Variants in LPP observed in about 807,000 individuals in gnomAD.
LPP encodes lipoma-preferred partner.
In LPP, 38 loss-of-function variants were observed where a neutral mutation model predicts 60.4. That is an observed-to-expected ratio of 0.63 (90% confidence interval 0.49 to 0.83). LPP has a LOEUF of 0.83. LPP is among the 40% of genes least tolerant of loss of function. The pLI, the probability that LPP is intolerant of heterozygous loss-of-function variation, is 0.00. For missense variants in LPP, 902 were observed against 783.6 expected (o/e 1.15, Z -1.80); for synonymous variants, 328 against 290.8 (o/e 1.13, Z -1.30).
chr3:188,387,476 G>A (rs571825048), intron 3 of LPP, among the ~76,000 whole-genome samples: 3 of 151,782 alleles, frequency 2.0e-5, no homozygotes, highest in Non-Finnish European at 4.4e-5. Flanking sequence ...AAAATTTTGC[G>A]ATGATTAACA....
chr3:188,820,953 A>G (rs1441306176), intron 9 of LPP, among the ~76,000 whole-genome samples: 1 of 152,122 alleles, frequency 6.6e-6, no homozygotes, highest in African/African-American at 2.4e-5. Context: ...CATCGTTTAC[A>G]TATACGAGAT....
intron 10 of LPP, among the ~76,000 whole-genome samples, chr3:188,871,984 G>A (rs2152042880): frequency 6.6e-6 from 1 of 152,272 alleles, no homozygotes; most frequent in East Asian, 1.9e-4. Context: ...ATCCTTTAAA[G>A]AATAAAGAAT....
At chr3:188,730,963 A>G (rs1177290507) in intron 8 of LPP, among the ~76,000 whole-genome samples, 2 of 152,126 alleles carry the variant, frequency 1.3e-5, no homozygotes, top group Non-Finnish European at 2.9e-5. Flanking sequence ...AAAGTTCTCC[A>G]ATTGGTAAGG....
At chr3:188,872,805 T>C (rs992050045) in intron 11 of LPP, 42 bp downstream of exon 11, 10 of 1,613,052 alleles carry the variant, frequency 6.2e-6, no homozygotes, top group Non-Finnish European at 8.5e-6. Flanking sequence ...TGGCAGGCGT[T>C]GAAAGGCTCG....
chr3:188,731,183 T>TGC (rs1720334603), intron 8 of LPP, among the ~76,000 whole-genome samples: 1 of 152,208 alleles, frequency 6.6e-6, no homozygotes, highest in Non-Finnish European at 1.5e-5. Flanking sequence ...CTTCTAGACA[T>TGC]AACAATCCTG....
At chr3:188,257,919 A>T (rs1732207156) in intron 2 of LPP, among the ~76,000 whole-genome samples, 1 of 152,206 alleles carries the variant, frequency 6.6e-6, no homozygotes, top group African/African-American at 2.4e-5. Flanking sequence ...TCCACCTTCC[A>T]CCCAGTGCTG....
chr3:188,746,168 T>C (rs1726120445), intron 8 of LPP, among the ~76,000 whole-genome samples: 1 of 152,240 alleles, frequency 6.6e-6, no homozygotes, highest in Non-Finnish European at 1.5e-5. Context: ...ACCATCATTA[T>C]GGCACTCCCT....
chr3:188,157,003 G>A (rs768139896), intron 1 of LPP, among the ~76,000 whole-genome samples: 2 of 152,142 alleles, frequency 1.3e-5, no homozygotes, highest in African/African-American at 2.4e-5. Context: ...CGAATCAATT[G>A]TAAAACACAC....
intron 8 of LPP, among the ~76,000 whole-genome samples, chr3:188,719,029 G>A (rs1340548324): frequency 6.6e-6 from 1 of 152,068 alleles, no homozygotes; most frequent in African/African-American, 2.4e-5. Context: ...ATAAACTAGA[G>A]TAAGACATGG....
intron 9 of LPP, 31 bp from the exon 10 acceptor site, chr3:188,866,169 A>G (rs1281047121): frequency 5.6e-6 from 8 of 1,439,116 alleles, no homozygotes; most frequent in Non-Finnish European, 6.5e-6. Context: ...CTTCTGTCCC[A>G]GTCTGACGTG....
At chr3:188,475,980 C>T (rs1803097998) in intron 4 of LPP, among the ~76,000 whole-genome samples, 1 of 152,096 alleles carries the variant, frequency 6.6e-6, no homozygotes, top group Non-Finnish European at 1.5e-5. Flanking sequence ...ATACTTACTC[C>T]CTTACTAGAT....
At chr3:188,191,360 A>G (rs1231505798) in intron 1 of LPP, among the ~76,000 whole-genome samples, 1 of 152,248 alleles carries the variant, frequency 6.6e-6, no homozygotes, top group Admixed American at 6.5e-5. Context: ...GCTTGGAGGA[A>G]ACAACTGTTT....
At chr3:188,563,392 C>G (rs1471948510) in intron 6 of LPP, among the ~76,000 whole-genome samples, 1 of 151,290 alleles carries the variant, frequency 6.6e-6, no homozygotes, top group African/African-American at 2.4e-5. Context: ...AGAGTAATCA[C>G]CATTGTCTTT....
At chr3:188,228,185 C>T (rs1020124009) in intron 2 of LPP, among the ~76,000 whole-genome samples, 10 of 152,256 alleles carry the variant, frequency 6.6e-5, no homozygotes, top group Admixed American at 2.0e-4. Context: ...AGAAGTGTTA[C>T]GGGAATGAGA....
intron 9 of LPP, among the ~76,000 whole-genome samples, chr3:188,817,149 T>C (rs1752686249): frequency 6.6e-6 from 1 of 152,226 alleles, no homozygotes; most frequent in Non-Finnish European, 1.5e-5. Context: ...ATCAGAGCAA[T>C]TGGGTCTATT....
chr3:188,370,387 C>G (rs554918320), intron 3 of LPP, among the ~76,000 whole-genome samples: 1 of 152,280 alleles, frequency 6.6e-6, no homozygotes, highest in South Asian at 2.1e-4. Flanking sequence ...GTGATGGCAG[C>G]AAGATAGATG....
intron 5 of LPP, among the ~76,000 whole-genome samples, chr3:188,517,031 C>T (rs1433126939): frequency 6.6e-6 from 1 of 152,090 alleles, no homozygotes; most frequent in African/African-American, 2.4e-5. Context: ...ACTCAATTGC[C>T]TGACTATTAA....
intron 9 of LPP, among the ~76,000 whole-genome samples, chr3:188,848,518 A>G (rs9861473): frequency 0.22 from 33,734 of 152,098 alleles, 3,949 homozygotes; most frequent in African/African-American, 0.26. Flanking sequence ...CCTTTGTACT[A>G]TTTTTCTCAC....
chr3:188,635,672 T>A (rs1848597186), intron 7 of LPP, among the ~76,000 whole-genome samples: 1 of 152,198 alleles, frequency 6.6e-6, no homozygotes, highest in African/African-American at 2.4e-5. Flanking sequence ...TTTTGGAATC[T>A]GATATAGTGA....
Sources: allele counts gnomAD v4.1 joint callset (sites outside exome capture counted in the v4.1 genomes callset), GRCh38; gene constraint gnomAD v4.1.1; transcripts MANE v1.5; gene names NCBI Gene and HGNC (gene_info 2026-07-23, HGNC 2026-07-21).